The following CILP2 variants were observed in gnomAD, a reference collection of about 807,000 sequenced individuals.
The protein encoded by CILP2 is cartilage intermediate layer protein 2.
Under a neutral mutation model 45.6 loss-of-function variants are expected in CILP2, and 38 were observed. The observed-to-expected ratio is 0.83, with a 90% confidence interval of 0.64 to 1.09. The LOEUF is 1.09. Ranked by LOEUF, CILP2 falls within the 50% of genes least tolerant of loss-of-function variation. The probability of loss-of-function intolerance (pLI) is 0.00; values close to 1 mark genes in which losing one functional copy is unlikely to be tolerated. For synonymous variants in CILP2, 780 were observed against 723.5 expected, an observed-to-expected ratio of 1.08 and a Z score of -1.25; for missense variants, 1,735 against 1,662.2, an observed-to-expected ratio of 1.04 and a Z score of -0.76.
intron 3 of CILP2, 105 bp from the exon 4 acceptor site, chr19:19,540,986 C>T: frequency 1.2e-5 from 13 of 1,057,818 alleles, no homozygotes; most frequent in Non-Finnish European, 1.6e-5. Context: ...CTTGGATGCA[C>T]ATATGTGAGG....
Position 19,545,659 on chromosome 19 carries a change from G to A in CILP2, c.3114G>A (p.Val1038=), listed in dbSNP as rs200090050. The A allele has an allele frequency of 1.3e-5, 21 of 1,609,854 alleles. No homozygotes were observed. The East Asian group carries it at 4.7e-4, about 36-fold the overall frequency. Residue 1038 remains valine, a synonymous_variant, in exon 8 of 8, where the codon GTG becomes GTA. Coordinates refer to ENST00000291495, the MANE Select transcript of CILP2 (RefSeq NM_153221.2). ...RDYLTRHPPP[V]PAEDPAAFSM... The stretch of plus-strand genomic sequence containing the variant: ...ACCTGACCCGGCACCCCCCACCGGT[G>A]CCCGCGGAGGACCCAGCTGCCTTCT...
rs780296206 is a variant in CILP2, at chr19:19,541,212, G to T, written c.558G>T (p.Leu186=). Residue 186 remains leucine, a synonymous_variant, in exon 4 of 8, where the codon CTG becomes CTT. Coordinates refer to ENST00000291495, the MANE Select transcript of CILP2 (RefSeq NM_153221.2). ...GGGATGCGTGTCCCGGGCGTCCTCT[G>T]GAGGCGCAGAAGTGCGTGCGGCCTC... The part of the protein sequence containing the change: ...PAGDACPGRP[L]EAQKCVRPRC... 3 of 1,282,076 alleles carry T rather than the reference G, an allele frequency of 2.3e-6. No homozygotes were observed. The highest frequency in any genetic ancestry group is 3.0e-6 in the Non-Finnish European group (3 of 1,013,244). 79.4% of individuals were successfully genotyped at this position (1,282,076 alleles called of 1,614,324 possible).
At position 19,543,293 on chromosome 19, in the gene CILP2, G is replaced by C. The variant is rs1406192493; in HGVS notation, c.1023G>C (p.Gly341=). 6.2e-7 allele frequency: 1 copy of C among 1,613,616 alleles called. No homozygotes were observed. Among genetic ancestry groups the C allele is most frequent in the African/African-American group, 1.3e-5 (1 of 74,924 alleles). ...TGGACAGGCGAGCTCATGGGTACGG[G>C]GCCCACCTGGAGCTGCGGGGACTGC... The part of the protein sequence containing the change: ...TLLDRRAHGY[G]AHLELRGLRP... Residue 341 remains glycine, a synonymous_variant, in exon 7 of 8, where the codon GGG becomes GGC. Coordinates refer to ENST00000291495, the MANE Select transcript of CILP2 (RefSeq NM_153221.2).
In CILP2 at chr19:19,546,245, C is replaced by A; in HGVS notation, c.*229C>A. ...AATGGAGTTTGCGGTGACTCTGGGG[C>A]CAGCACCCAGGGGACGACGTTCAAC... is the stretch of plus-strand genomic sequence containing the variant. On this transcript the variant is annotated 3_prime_UTR_variant, in exon 8 of 8. Transcript: ENST00000291495. The A allele has an allele frequency of 2.5e-6, 1 of 393,626 alleles. No individual in the cohort carries two copies. Among genetic ancestry groups the A allele is most frequent in the Non-Finnish European group, 4.5e-6 (1 of 222,636 alleles). 24.4% of individuals were successfully genotyped at this position (393,626 alleles called of 1,614,324 possible). A position where few individuals can be genotyped will look rare whatever the true frequency, so the allele number is the denominator to read the frequency against.
chr19:19,540,749 A>T (rs1052607181), intron 3 of CILP2: 9 of 458,204 alleles, frequency 2.0e-5, no homozygotes, highest in African/African-American at 1.8e-4. Context: ...GCCCCCTGGA[A>T]CGCATCTCCC....
Position 19,544,091 on chromosome 19 carries a change from T to C in CILP2, c.1546T>C (p.Ser516Pro). ...CGACTTTACCATTGAGGTGCCGCCCTCCACCCAGCGGCTGGTGGTGACTTT... is the reference window on the plus strand; with the variant it reads ...CGACTTTACCATTGAGGTGCCGCCCCCCACCCAGCGGCTGGTGGTGACTTT... ...QGDFTIEVPP[S>P]TQRLVVTFVD... The change falls in exon 8 of 8, where the codon TCC becomes CCC. Residue 516 changes from serine to proline, a missense_variant. By Grantham distance (74) the Ser-to-Pro change is moderately conservative. Coordinates refer to ENST00000291495, the MANE Select transcript of CILP2 (RefSeq NM_153221.2). 6.2e-7 allele frequency: 1 copy of C among 1,614,002 alleles called. No homozygotes were observed.
Position 19,545,896 on chromosome 19 carries a change from G to T in CILP2, c.3351G>T (p.Arg1117Ser). ...PPAGRPSLFQ[R>S]LLESPATALG... ...CCGGACGACCCAGCCTCTTCCAGAG[G>T]CTGCTGGAGTCCCCGGCGACAGCAC... is the stretch of plus-strand genomic sequence containing the variant. Residue 1117 changes from arginine to serine, a missense_variant, in exon 8 of 8, where the codon AGG (arginine) becomes AGT (serine). By Grantham distance (110) the Arg-to-Ser change is moderately radical (BLOSUM62 -1). Coordinates refer to ENST00000291495, the MANE Select transcript of CILP2 (RefSeq NM_153221.2). 6.3e-7 allele frequency: 1 copy of T among 1,584,480 alleles called. No individual in the cohort carries two copies. The highest frequency in any genetic ancestry group is 1.7e-4 in the Middle Eastern group (1 of 5,922).
chr19:19,545,981 C>T lies in CILP2; in HGVS notation c.3436C>T (p.Pro1146Ser). 1 of 1,512,174 alleles carries T rather than the reference C, an allele frequency of 6.6e-7. No homozygotes were observed. 93.7% of individuals were successfully genotyped at this position (1,512,174 alleles called of 1,614,324 possible). ...GCAGGCACAGGCCCGGGCCTCAGGTCCCCTCCGCACCCGCCGGGGTAGGGT... is the reference window on the plus strand; with the variant it reads ...GCAGGCACAGGCCCGGGCCTCAGGTTCCCTCCGCACCCGCCGGGGTAGGGT... Reference protein sequence around the residue: ...AAQAQARASGPLRTRRGRVRQ With the variant: ...AAQAQARASGSLRTRRGRVRQ Residue 1146 changes from proline (P) to serine (S), a missense_variant, in exon 8 of 8, where the codon CCC becomes TCC. Pro to Ser is a moderately conservative substitution (Grantham distance 74). Transcript: ENST00000291495.
intron 5 of CILP2, 64 bp downstream of exon 5, chr19:19,542,714 C>T (rs1315568373): frequency 3.4e-6 from 5 of 1,483,098 alleles, no homozygotes; most frequent in South Asian, 1.2e-5. Context: ...TTCTAGCACT[C>T]GATCAAGAGA....
chr19:19,543,078 C>T (rs770542351), intron 6 of CILP2, 106 bp downstream of exon 6: 20 of 991,028 alleles, frequency 2.0e-5, no homozygotes, highest in African/African-American at 3.2e-5. Context: ...AAAGCGTTAA[C>T]GGGGAATGAA....
rs1291921849 is a variant in CILP2, at chr19:19,544,010, C to A, written c.1465C>A (p.Arg489Ser). Residue 489 changes from arginine (R) to serine (S), a missense_variant, in exon 8 of 8, where the codon CGC becomes AGC. Transcript: ENST00000291495. ...GGCTGCTGACTCCGGGGAGCCGCTA[C>A]GCTTCGCCAGGATTCTGCTGGGCCA... is the stretch of plus-strand genomic sequence containing the variant. ...VVAADSGEPL[R>S]FARILLGQEP... 2 of 1,613,614 alleles carry A rather than the reference C, an allele frequency of 1.2e-6. No individual in the cohort carries two copies. The highest frequency in any genetic ancestry group is 2.7e-5 in the African/African-American group (2 of 74,952).
In CILP2 at chr19:19,545,095, C is replaced by T. The variant is rs1568370469; in HGVS notation, c.2550C>T (p.Asp850=). Residue 850 remains aspartate, a synonymous_variant, in exon 8 of 8, where the codon GAC becomes GAT. Coordinates refer to ENST00000291495, the MANE Select transcript of CILP2 (RefSeq NM_153221.2). ...TGGGGTACCGTCGGACGGACCACGA[C>T]GATCCCGCCTTCAAGCGTAACGGCT... ...DRLGYRRTDH[D]DPAFKRNGFR... The T allele has an allele frequency of 1.9e-6, 3 of 1,611,224 alleles. No individual in the cohort carries two copies. Among genetic ancestry groups the T allele is most frequent in the Admixed American group, 1.7e-5 (1 of 59,944 alleles).
At position 19,545,223 on chromosome 19, in the gene CILP2, C is replaced by G. The variant is rs765353237; in HGVS notation, c.2678C>G (p.Thr893Ser). ...SLRECQGAPV[T>S]ASHFRFARVE... Reference sequence around the variant, plus strand: ...CGGGAATGCCAGGGGGCCCCGGTGACTGCCAGCCACTTCCGCTTCGCCAGG... The same window carrying G: ...CGGGAATGCCAGGGGGCCCCGGTGAGTGCCAGCCACTTCCGCTTCGCCAGG... The change falls in exon 8 of 8, where the codon ACT becomes AGT. Residue 893 changes from threonine (T) to serine (S), a missense_variant. Physicochemically the swap from Thr to Ser is moderately conservative, Grantham distance 58. Transcript: ENST00000291495. 6.2e-7 allele frequency: 1 copy of G among 1,612,432 alleles called. No individual in the cohort carries two copies. Among genetic ancestry groups the G allele is most frequent in the Non-Finnish European group, 8.5e-7 (1 of 1,179,618 alleles).
intron 1 of CILP2, 28 bp downstream of exon 1, chr19:19,538,441 G>A: frequency 6.8e-7 from 1 of 1,477,628 alleles, no homozygotes. Flanking sequence ...CCCGCGCCCA[G>A]CCCCTGAGGC....
rs1384554105 is a variant in CILP2, at chr19:19,544,975, C to A, written c.2430C>A (p.Thr810=). Residue 810 remains threonine, a synonymous_variant, in exon 8 of 8, where the codon ACC becomes ACA. Transcript: ENST00000291495. The part of the protein sequence containing the change: ...DRPDAYTALV[T]ATLGGEELEP... ...CAGACGCCTACACCGCCCTGGTCAC[C>A]GCCACCCTGGGCGGCGAGGAGCTGG... is the stretch of plus-strand genomic sequence containing the variant. 5 of 1,597,198 alleles carry A rather than the reference C, an allele frequency of 3.1e-6. No homozygotes were observed. The highest frequency in any genetic ancestry group is 4.2e-6 in the Non-Finnish European group (5 of 1,178,018).
At position 19,538,385 on chromosome 19, in the gene CILP2, C is replaced by G; in HGVS notation, c.36C>G (p.Val12=). The change falls in exon 1 of 8, where the codon GTC becomes GTG. Residue 12 remains valine, a synonymous_variant. Coordinates refer to ENST00000291495, the MANE Select transcript of CILP2 (RefSeq NM_153221.2). ...ASLLPLLCLC[V]VAAHLAGARD... ...TGCTGCCACTGCTCTGTCTCTGTGTCGTCGCTGCGCACCTGGCGGGGGCCC... is the reference window on the plus strand; with the variant it reads ...TGCTGCCACTGCTCTGTCTCTGTGTGGTCGCTGCGCACCTGGCGGGGGCCC... 1 of 1,568,626 alleles carries G rather than the reference C, an allele frequency of 6.4e-7. No individual in the cohort carries two copies.
rs747915448 is a variant in CILP2, at chr19:19,542,506, G to A, written c.724G>A (p.Ala242Thr). ...GCCTGGCACTGTGGCCACCAGCGAT[G>A]CTCACGGAACCTTCCGGGTGCCTGG... ...DQPGTVATSDAHGTFRVPGVC... is the reference protein window; with the variant it reads ...DQPGTVATSDTHGTFRVPGVC... The change falls in exon 5 of 8, where the codon GCT becomes ACT. Residue 242 changes from alanine (A) to threonine (T), a missense_variant. By Grantham distance (58) the Ala-to-Thr change is moderately conservative. Transcript: ENST00000291495. 5.0e-6 allele frequency: 8 copies of A among 1,613,970 alleles called. No homozygotes were observed. In the South Asian group the frequency reaches 8.8e-5, roughly 18 times the overall value.
At position 19,544,911 on chromosome 19, in the gene CILP2, A is replaced by G. The variant is rs369553520; in HGVS notation, c.2366A>G (p.Asn789Ser). Reference sequence around the variant, plus strand: ...TTTGACAGCGCGGTCACCGGCCCCAATGGCGCCTGCCTCCCCGCCTTCTGC... The same window carrying G: ...TTTGACAGCGCGGTCACCGGCCCCAGTGGCGCCTGCCTCCCCGCCTTCTGC... ...GRFDSAVTGP[N>S]GACLPAFCDA... Residue 789 changes from asparagine (N) to serine (S), a missense_variant, in exon 8 of 8, where the codon AAT becomes AGT. By Grantham distance (46) the Asn-to-Ser change is conservative. Coordinates refer to ENST00000291495, the MANE Select transcript of CILP2 (RefSeq NM_153221.2). 212 of 1,589,604 alleles carry G rather than the reference A, an allele frequency of 1.3e-4. No homozygotes were observed. The highest frequency in any genetic ancestry group is 3.3e-4 in the Admixed American group (19 of 57,912).
rs763891157 is a variant in CILP2, at chr19:19,544,905, G to C, written c.2360G>C (p.Gly787Ala). ...GGCCGCTTTGACAGCGCGGTCACCG[G>C]CCCCAATGGCGCCTGCCTCCCCGCC... Reference protein sequence around the residue: ...AWGRFDSAVTGPNGACLPAFC... With the variant: ...AWGRFDSAVTAPNGACLPAFC... Residue 787 changes from glycine to alanine, a missense_variant, in exon 8 of 8, where the codon GGC becomes GCC. Transcript: ENST00000291495. The C allele has an allele frequency of 1.4e-5, 23 of 1,588,346 alleles. No homozygotes were observed. Among genetic ancestry groups the C allele is most frequent in the Non-Finnish European group, 2.0e-5 (23 of 1,175,164 alleles).
Sources: allele counts gnomAD v4.1 joint callset, GRCh38; gene constraint gnomAD v4.1.1; transcripts MANE v1.5; gene names NCBI Gene and HGNC (gene_info 2026-07-23, HGNC 2026-07-21).